ZNF148: variants seen among roughly 807,000 people sequenced by gnomAD.
ZNF148 encodes the protein zinc finger protein 148, also known as Beta-Enolase Repressor Factor-1.
In ZNF148, 7 loss-of-function variants were observed where a neutral mutation model predicts 67.7. That is an observed-to-expected ratio of 0.10 (90% confidence interval 0.06 to 0.19). The LOEUF (loss-of-function observed/expected upper bound fraction) is 0.19. ZNF148 is among the 10% of genes least tolerant of loss of function. ZNF148 has a pLI of 1.00. For synonymous variants in ZNF148, 333 were observed against 330.7 expected, an observed-to-expected ratio of 1.01 and a Z score of -0.08; for missense variants, 583 against 947.1, an observed-to-expected ratio of 0.62 and a Z score of 5.05.
intron 1 of ZNF148, among the ~76,000 whole-genome samples, chr3:125,372,716 C>G (rs1942930531): frequency 6.6e-6 from 1 of 152,146 alleles, no homozygotes; most frequent in African/African-American, 2.4e-5. Flanking sequence ...GCCTGTAATC[C>G]CAGCACTTTG....
intron 4 of ZNF148, among the ~76,000 whole-genome samples, chr3:125,310,228 T>C (rs1156442468): frequency 6.6e-6 from 1 of 151,938 alleles, no homozygotes; most frequent in Non-Finnish European, 1.5e-5. Context: ...TACAGGTGCA[T>C]GCCACCATGC....
rs903159161 is a variant in ZNF148 at position 125,229,449 on chromosome 3, G to A, written c.*2892C>T. 2.6e-5 allele frequency: 4 copies of A among 152,218 alleles called. No individual in the cohort carries two copies. The highest frequency in any genetic ancestry group is 2.1e-4 in the South Asian group (1 of 4,824). The allele number at this position is 152,218 out of a possible 1,614,324, so 9.4% of individuals were successfully genotyped here. Reference sequence around the variant, plus strand: ...TCCTACCTTGTTAAGTACCACATTTGCATGTAGACCCAAAACGTTTAAGAG... The same window carrying A: ...TCCTACCTTGTTAAGTACCACATTTACATGTAGACCCAAAACGTTTAAGAG... On this transcript the variant is annotated 3_prime_UTR_variant, in exon 9 of 9. Transcript: ENST00000360647.
chr3:125,323,796 TAAA>T (rs1940893945), intron 2 of ZNF148, among the ~76,000 whole-genome samples: 1 of 151,864 alleles, frequency 6.6e-6, no homozygotes, highest in Non-Finnish European at 1.5e-5. Flanking sequence ...CCGTCTCTAC[TAAA>T]AATACAAAAA....
At chr3:125,271,772 A>G (rs968276124) in intron 7 of ZNF148, among the ~76,000 whole-genome samples, 2 of 152,146 alleles carry the variant, frequency 1.3e-5, no homozygotes, top group Admixed American at 1.3e-4. Context: ...GATAATCATG[A>G]ATTCTTAGGA....
chr3:125,323,187 T>C (rs1420817598), intron 3 of ZNF148, 122 bp downstream of exon 3: 2 of 394,604 alleles, frequency 5.1e-6, no homozygotes, highest in Non-Finnish European at 8.9e-6. Context: ...CAAATATAAA[T>C]ACCAAAACTT....
At chr3:125,336,810 G>T (rs1941517289) in intron 1 of ZNF148, among the ~76,000 whole-genome samples, 1 of 149,040 alleles carries the variant, frequency 6.7e-6, no homozygotes, top group Admixed American at 6.8e-5. Flanking sequence ...CCACATAGCT[G>T]GGACTACAGG....
At chr3:125,350,663 TA>T (rs1942113291) in intron 1 of ZNF148, among the ~76,000 whole-genome samples, 1 of 152,170 alleles carries the variant, frequency 6.6e-6, no homozygotes, top group African/African-American at 2.4e-5. Context: ...CCTGCGCCGT[TA>T]AAAATAGGCT....
chr3:125,312,161 T>C (rs984043752), intron 4 of ZNF148, among the ~76,000 whole-genome samples: 23 of 152,166 alleles, frequency 1.5e-4, no homozygotes, highest in African/African-American at 5.5e-4. Flanking sequence ...ATATTTCTCA[T>C]GAACACAAAT....
chr3:125,343,951 T>C (rs924213357), intron 1 of ZNF148: 4 of 164,138 alleles, frequency 2.4e-5, no homozygotes, highest in African/African-American at 9.6e-5. Flanking sequence ...TGTCTATAAA[T>C]ACTTTAGATT....
chr3:125,298,957 T>C (rs1010418493), intron 4 of ZNF148, among the ~76,000 whole-genome samples: 1 of 152,180 alleles, frequency 6.6e-6, no homozygotes, highest in African/African-American at 2.4e-5. Context: ...CAAAATGTAT[T>C]AGACATAAAT....
rs541011628 is a variant in ZNF148 at position 125,232,581 on chromosome 3, A to G, written c.2145T>C (p.Ala715=). Residue 715 remains alanine (A), a synonymous_variant, in exon 9 of 9, where the codon GCT becomes GCC. Transcript: ENST00000360647. The surrounding 1 kb of genome is among the most constrained non-coding windows in gnomAD (Gnocchi z 4.2). ...FLDQVTSQKK[A]EAQPVHQAYQ... ...AAGCTTGGTGGACAGGCTGGGCCTCAGCTTTCTTCTGAGAAGTCACTTGAT... is the reference window on the plus strand; with the variant it reads ...AAGCTTGGTGGACAGGCTGGGCCTCGGCTTTCTTCTGAGAAGTCACTTGAT... 8.2e-5 allele frequency: 132 copies of G among 1,613,812 alleles called. 1 individual carries two copies. In the South Asian group the frequency reaches 1.3e-3, roughly 16 times the overall value.
At chr3:125,362,383 A>C (rs1942570002) in intron 1 of ZNF148, among the ~76,000 whole-genome samples, 1 of 152,106 alleles carries the variant, frequency 6.6e-6, no homozygotes, top group Non-Finnish European at 1.5e-5. Flanking sequence ...AAACTTCTTT[A>C]ATCAATTCCT....
At chr3:125,374,543 C>T (rs1942997126) in intron 1 of ZNF148, among the ~76,000 whole-genome samples, 1 of 152,088 alleles carries the variant, frequency 6.6e-6, no homozygotes, top group Admixed American at 6.6e-5. Context: ...AGCCACCTCC[C>T]CGCATTCCTC....
Position 125,227,212 on chromosome 3 carries a change from T to C in ZNF148, c.*5129A>G, listed in dbSNP as rs1261584761. The C allele has an allele frequency of 6.6e-6, 1 of 152,576 alleles. No individual in the cohort carries two copies. Among genetic ancestry groups the C allele is most frequent in the Non-Finnish European group, 1.5e-5 (1 of 68,032 alleles). The allele number at this position is 152,576 out of a possible 1,614,324, so 9.5% of individuals were successfully genotyped here. On this transcript the variant is annotated 3_prime_UTR_variant, in exon 9 of 9. Coordinates refer to ENST00000360647, the MANE Select transcript of ZNF148 (RefSeq NM_021964.3). ...TCATTTAGTTCTATACAACAGTGTC[T>C]ATATTATGTACATATTTAATTATCA...
chr3:125,364,556 T>C (rs1427776484), intron 1 of ZNF148, among the ~76,000 whole-genome samples: 1 of 152,180 alleles, frequency 6.6e-6, no homozygotes, highest in Non-Finnish European at 1.5e-5. Context: ...ACATGCTCCT[T>C]GAGAAAAAGG....
intron 7 of ZNF148, among the ~76,000 whole-genome samples, chr3:125,237,275 G>A (rs1936132872): frequency 6.6e-6 from 1 of 152,188 alleles, no homozygotes; most frequent in African/African-American, 2.4e-5. Flanking sequence ...AAGAATACGT[G>A]CAAATTTTGA....
At chr3:125,335,893 T>C (rs931105911) in intron 1 of ZNF148, among the ~76,000 whole-genome samples, 9 of 152,190 alleles carry the variant, frequency 5.9e-5, no homozygotes, top group Non-Finnish European at 1.0e-4. Context: ...AAAAGTAAGA[T>C]TGCTAAAGAT....
chr3:125,344,666 G>T, intron 1 of ZNF148: 2 of 664,658 alleles, frequency 3.0e-6, no homozygotes, highest in South Asian at 3.0e-5. Flanking sequence ...CACTTGTTTT[G>T]ATTTTCTCTC....
At chr3:125,333,566 G>A (rs151131495) in intron 1 of ZNF148, among the ~76,000 whole-genome samples, 10 of 152,184 alleles carry the variant, frequency 6.6e-5, no homozygotes, top group Admixed American at 3.3e-4. Flanking sequence ...AGATGGAAAC[G>A]GAAACCATGC....
Sources: gnomAD v4.1 joint callset for allele counts (sites outside exome capture counted in the v4.1 genomes callset) on GRCh38, gnomAD v4.1.1 for gene constraint, Gnocchi (gnomAD v3.1) non-coding constraint, MANE v1.5 for transcripts, NCBI Gene and HGNC (gene_info 2026-07-23, HGNC 2026-07-21) for gene names.